The following TSGA10 variants were observed in gnomAD, a reference collection of about 807,000 sequenced individuals.
The protein encoded by TSGA10 is testis-specific gene 10 protein.
In TSGA10, 43 loss-of-function variants were observed where a neutral mutation model predicts 96.6. The observed-to-expected ratio is 0.44, with a 90% CI of 0.35 to 0.57. The LOEUF (loss-of-function observed/expected upper bound fraction) is 0.57, where lower values mean the gene tolerates loss of function less well. Among genes scored for constraint, TSGA10 ranks in the 20% least tolerant of loss-of-function variants. TSGA10 has a pLI of 0.01. For missense variants in TSGA10, 703 were observed against 834.4 expected (o/e 0.84, Z 1.94); for synonymous variants, 229 against 269.9 (o/e 0.85, Z 1.48).
At chr2:99,128,139 C>G (rs938452631) in intron 1 of TSGA10, among the ~76,000 whole-genome samples, 1 of 152,184 alleles carries the variant, frequency 6.6e-6, no homozygotes, top group Admixed American at 6.5e-5. Context: ...CAAAATCCTA[C>G]CTAGGGAATT....
Position 99,114,914 on chromosome 2 carries a change from A to G in TSGA10, c.-140+2630T>C, listed in dbSNP as rs541130424. ...TTGAAAACAAAAACAAGGAAGACAT[A>G]CTAAAACTCTTCAATATTGATATAT... On this transcript the variant is annotated intron_variant, in intron 4 of 20. Coordinates refer to ENST00000393483, the MANE Select transcript of TSGA10 (RefSeq NM_025244.4). Among the ~76,000 whole-genome samples the G allele has an allele frequency of 3.0e-3, 459 of 152,310 alleles. 1 individual carries two copies. Among genetic ancestry groups the G allele is most frequent in the African/African-American group, 9.4e-3 (390 of 41,554 alleles).
intron 1 of TSGA10, 185 bp downstream of exon 1, chr2:99,154,506 CAT>C (rs2093727537): frequency 6.5e-6 from 1 of 153,326 alleles, no homozygotes; most frequent in South Asian, 1.9e-4. Context: ...AGTTACCTGC[CAT>C]TTGGACTCAC....
chr2:99,141,155 C>T, intron 1 of TSGA10: 1 of 1,267,082 alleles, frequency 7.9e-7, no homozygotes, highest in Non-Finnish European at 1.0e-6. Flanking sequence ...CGACTGTCAG[C>T]TCTCGGCCTC....
chr2:99,018,416 G>T, intron 19 of TSGA10, 67 bp from the exon 20 acceptor site: 1 of 1,586,344 alleles, frequency 6.3e-7, no homozygotes, highest in Middle Eastern at 1.7e-4. Context: ...CATAAAACTA[G>T]CTCAATTCAT....
chr2:99,141,436 A>C, intron 1 of TSGA10: 2 of 173,148 alleles, frequency 1.2e-5, no homozygotes, highest in Non-Finnish European at 2.5e-5. Flanking sequence ...ACCTGGCTCG[A>C]CCTTCCTTCT....
chr2:99,026,811 A>G (rs2080629329), intron 17 of TSGA10, among the ~76,000 whole-genome samples: 1 of 152,222 alleles, frequency 6.6e-6, no homozygotes, highest in Admixed American at 6.5e-5. Flanking sequence ...GAATTGATAA[A>G]GAAAACGTGG....
intron 7 of TSGA10, 30 bp from the exon 8 acceptor site, chr2:99,105,727 A>G (rs1323231847): frequency 1.3e-6 from 2 of 1,570,592 alleles, no homozygotes; most frequent in South Asian, 2.3e-5. Flanking sequence ...CTTTGGTTGA[A>G]CAAGCTTTAG....
rs190919964 is a variant in TSGA10, at chr2:99,080,471, T to G, written c.727+811A>C. 1.7e-3 allele frequency among the ~76,000 whole-genome samples: 266 copies of G among 152,296 alleles called. 1 individual carries two copies. The highest frequency in any genetic ancestry group is 0.01 in the Middle Eastern group (3 of 294). On this transcript the variant is annotated intron_variant, in intron 11 of 20. Coordinates refer to ENST00000393483, the MANE Select transcript of TSGA10 (RefSeq NM_025244.4). ...AATTTCACGGTTTTAAAATATCATT[T>G]ATATGCTGATGTGTCCCAAATATGT...
At chr2:99,034,384 G>C (rs2081421697) in intron 17 of TSGA10, among the ~76,000 whole-genome samples, 1 of 152,068 alleles carries the variant, frequency 6.6e-6, no homozygotes, top group Non-Finnish European at 1.5e-5. Context: ...CCTGGCGACA[G>C]AGTGAGACTC....
At chr2:99,140,794 C>G (rs1468184314) in intron 1 of TSGA10, among the ~76,000 whole-genome samples, 2 of 152,110 alleles carry the variant, frequency 1.3e-5, no homozygotes, top group African/African-American at 4.8e-5. Flanking sequence ...CTAAACTGAA[C>G]AGTCTCCCCA....
chr2:99,105,295 G>C, intron 9 of TSGA10, 64 bp downstream of exon 9: 3 of 1,355,096 alleles, frequency 2.2e-6, no homozygotes, highest in Non-Finnish European at 3.1e-6. Flanking sequence ...ACAGAAAAAG[G>C]AGAAAGGGGA....
At position 99,075,151 on chromosome 2, in the gene TSGA10, A is replaced by T. The variant is rs187836219; in HGVS notation, c.883-2078T>A. Reference sequence around the variant, plus strand: ...CTATTTTTCTCTTAATATGACCCTAATACCACCATTTCTCAAATGTGCCAT... The same window carrying T: ...CTATTTTTCTCTTAATATGACCCTATTACCACCATTTCTCAAATGTGCCAT... On this transcript the variant is annotated intron_variant, in intron 12 of 20. Coordinates refer to ENST00000393483, the MANE Select transcript of TSGA10 (RefSeq NM_025244.4). Among the ~76,000 whole-genome samples, 25 of 152,332 alleles carry T rather than the reference A, an allele frequency of 1.6e-4. 1 individual carries two copies. The East Asian group carries it at 3.7e-3, about 22-fold the overall frequency.
intron 15 of TSGA10, among the ~76,000 whole-genome samples, chr2:99,066,269 G>A (rs2085250788): frequency 6.6e-6 from 1 of 152,108 alleles, no homozygotes; most frequent in African/African-American, 2.4e-5. Context: ...TACCTTATTG[G>A]CTTTCAAGAT....
At chr2:99,094,750 C>A (rs2089829484) in intron 10 of TSGA10, among the ~76,000 whole-genome samples, 1 of 152,038 alleles carries the variant, frequency 6.6e-6, no homozygotes. Flanking sequence ...AAATTAAAAA[C>A]CAACAGATGT....
chr2:99,084,323 C>G (rs532978553), intron 10 of TSGA10, among the ~76,000 whole-genome samples: 1 of 152,184 alleles, frequency 6.6e-6, no homozygotes, highest in Admixed American at 6.5e-5. Flanking sequence ...GAAGAGATGA[C>G]TGGATCACGG....
chr2:99,128,041 C>T (rs1467935785), intron 1 of TSGA10, among the ~76,000 whole-genome samples: 1 of 152,110 alleles, frequency 6.6e-6, no homozygotes, highest in African/African-American at 2.4e-5. Flanking sequence ...ACAATTTTTT[C>T]TTTCCTTGAA....
At chr2:99,035,155 A>C in intron 17 of TSGA10, 75 bp downstream of exon 17, 1 of 1,084,316 alleles carries the variant, frequency 9.2e-7, no homozygotes, top group Admixed American at 2.7e-5. Context: ...TACATAAAAA[A>C]GAACTTACTT....
At chr2:99,052,610 C>T (rs537396067) in intron 16 of TSGA10, among the ~76,000 whole-genome samples, 1,886 of 151,880 alleles carry the variant, frequency 0.012, 42 homozygotes, top group African/African-American at 0.043. Context: ...TGGTGGCAGG[C>T]GCCTGTAGTC....
chr2:99,083,876 C>T (rs1004103911), intron 10 of TSGA10, among the ~76,000 whole-genome samples: 7 of 152,098 alleles, frequency 4.6e-5, no homozygotes, highest in Admixed American at 3.9e-4. Context: ...ATAGACTTTC[C>T]GTGTCTTGAA....
Sources: gnomAD v4.1 joint callset for allele counts (sites outside exome capture counted in the v4.1 genomes callset) on GRCh38, gnomAD v4.1.1 for gene constraint, MANE v1.5 for transcripts, NCBI Gene and HGNC (gene_info 2026-07-23, HGNC 2026-07-21) for gene names.